Variants in MICALL2 observed in about 807,000 individuals in gnomAD.
MICALL2 encodes MICAL-like protein 2.
A neutral mutation model predicts 91.1 loss-of-function variants in MICALL2; 111 were observed. The observed-to-expected ratio is 1.22, with a 90% CI of 1.04 to 1.43. The LOEUF is 1.43. Ranked by LOEUF, MICALL2 falls within the 40% of genes most tolerant of loss-of-function variation. MICALL2 has a pLI of 0.00. For missense variants in MICALL2, 1,556 were observed against 1,236.0 expected (o/e 1.26, Z -3.88); for synonymous variants, 694 against 525.3 (o/e 1.32, Z -4.39).
At position 1,437,572 on chromosome 7, in the gene MICALL2, G is replaced by A. The variant is rs1399385196; in HGVS notation, c.2439C>T (p.Asp813=). The A allele has an allele frequency of 2.0e-6, 3 of 1,536,050 alleles. No individual in the cohort carries two copies. Among genetic ancestry groups the A allele is most frequent in the Non-Finnish European group, 2.6e-6 (3 of 1,145,628 alleles). The part of the protein sequence containing the change: ...KAQRLEEQQL[D]IEGELRRLMA... ...TGAGCCGGCGCAGCTCGCCCTCGAT[G>A]TCCAGCTGCTGCTCCTCCAGACGCT... Residue 813 remains aspartate (D), a synonymous_variant, in exon 14 of 17, where the codon GAC becomes GAT. Coordinates refer to ENST00000297508, the MANE Select transcript of MICALL2 (RefSeq NM_182924.4).
intron 15 of MICALL2, among the ~76,000 whole-genome samples, chr7:1,436,393 AAAAC>A (rs1457697751): frequency 1.3e-5 from 2 of 151,616 alleles, no homozygotes; most frequent in African/African-American, 2.4e-5. Context: ...AAAAAAAACA[AAAAC>A]AAAAAATTAG....
In MICALL2 at chr7:1,451,327, G is replaced by C. The variant is rs1332045920; in HGVS notation, c.144-1039C>G. ...CCAGGCCCTCCGACAAAAACCACCA[G>C]GCTCCCAGCACGGGCTGCGGCTTCT... is the stretch of plus-strand genomic sequence containing the variant. On this transcript the variant is annotated intron_variant, in intron 1 of 16. Transcript: ENST00000297508. The surrounding 1 kb of genome is among the most constrained non-coding windows in gnomAD (Gnocchi z 4.5). Among the ~76,000 whole-genome samples, 3 of 152,146 alleles carry C rather than the reference G, an allele frequency of 2.0e-5. No individual in the cohort carries two copies. The highest frequency in any genetic ancestry group is 7.2e-5 in the African/African-American group (3 of 41,428).
In MICALL2 at chr7:1,440,697, C is replaced by T. The variant is rs374166556; in HGVS notation, c.1712-13G>A. The T allele has an allele frequency of 1.6e-5, 25 of 1,607,254 alleles. No homozygotes were observed. The African/African-American group carries it at 3.3e-4, about 21-fold the overall frequency. Reference sequence around the variant, plus strand: ...CTGGTGCTCATGTCTGGGTGGGAGGCAAGGGGTCTGGGTGTGAGGAAGGAG... The same window carrying T: ...CTGGTGCTCATGTCTGGGTGGGAGGTAAGGGGTCTGGGTGTGAGGAAGGAG... On this transcript the variant is annotated splice_polypyrimidine_tract_variant and intron_variant, in intron 7 of 16. Coordinates refer to ENST00000297508, the MANE Select transcript of MICALL2 (RefSeq NM_182924.4).
intron 12 of MICALL2, 52 bp downstream of exon 12, chr7:1,438,045 T>C: frequency 6.4e-7 from 1 of 1,562,322 alleles, no homozygotes; most frequent in East Asian, 2.4e-5. Flanking sequence ...GCCCCAGGAC[T>C]GAGGGTGTCT....
chr7:1,437,780 G>A (rs528320067), intron 13 of MICALL2, 110 bp downstream of exon 13: 16 of 1,247,472 alleles, frequency 1.3e-5, no homozygotes, highest in African/African-American at 3.0e-5. Context: ...TGGACCTGCC[G>A]CACAGACATG....
Position 1,445,870 on chromosome 7 carries a change from C to T in MICALL2, c.642-442G>A, listed in dbSNP as rs144290775. ...CTGGGGACAGAAGTAGGGGGAACAG[C>T]GCTTGTTTCCTAGGAGCCCCCACCC... On this transcript the variant is annotated intron_variant, in intron 5 of 16. Coordinates refer to ENST00000297508, the MANE Select transcript of MICALL2 (RefSeq NM_182924.4). Among the ~76,000 whole-genome samples the T allele has an allele frequency of 7.6e-3, 1,158 of 152,038 alleles. 3 individuals carry two copies. Among genetic ancestry groups the T allele is most frequent in the African/African-American group, 0.012 (500 of 41,494 alleles).
intron 1 of MICALL2, among the ~76,000 whole-genome samples, chr7:1,458,344 T>C (rs1781093445): frequency 1.3e-5 from 2 of 151,884 alleles, no homozygotes; most frequent in Admixed American, 1.3e-4. Context: ...AAAAACACAC[T>C]CAGGAGAACG....
In MICALL2 at chr7:1,437,546, A is replaced by G. The variant is rs1179303171; in HGVS notation, c.2465T>C (p.Met822Thr). The G allele has an allele frequency of 1.3e-6, 2 of 1,526,920 alleles. No individual in the cohort carries two copies. The highest frequency in any genetic ancestry group is 1.7e-6 in the Non-Finnish European group (2 of 1,143,914). The allele number at this position is 1,526,920 out of a possible 1,614,324, so 94.6% of individuals were successfully genotyped here. ...CGCGGGGGACGCACCGGGCTTGGCCATGAGCCGGCGCAGCTCGCCCTCGAT... is the reference window on the plus strand; with the variant it reads ...CGCGGGGGACGCACCGGGCTTGGCCGTGAGCCGGCGCAGCTCGCCCTCGAT... ...LDIEGELRRL[M>T]AKPEALKSLQ... The change falls in exon 14 of 17, where the codon ATG becomes ACG. Residue 822 changes from methionine (M) to threonine (T), a missense_variant. Met to Thr is a moderately conservative substitution (Grantham distance 81). Transcript: ENST00000297508.
At position 1,436,725 on chromosome 7, in the gene MICALL2, C is replaced by CCCCT; in HGVS notation, c.2591+16_2591+17insAGGG. ...ACCTGGCCTGGCTGGGAGGGGCCCC[C>CCCCT]GGCACCTGCCCCTCACCGGAGCCGG... On this transcript the variant is annotated intron_variant, in intron 15 of 16. Transcript: ENST00000297508. 2 of 1,586,742 alleles carry CCCCT rather than the reference C, an allele frequency of 1.3e-6. No homozygotes were observed. The highest frequency in any genetic ancestry group is 3.4e-5 in the Admixed American group (2 of 57,990).
chr7:1,455,521 C>T (rs550908829), intron 1 of MICALL2, among the ~76,000 whole-genome samples: 12 of 147,602 alleles, frequency 8.1e-5, no homozygotes, highest in South Asian at 4.2e-4. Flanking sequence ...GTTTCCTGGC[C>T]GTAAAGCGGA....
rs752485165 is a variant in MICALL2 at position 1,436,702 on chromosome 7, C to A, written c.2591+40G>T. On this transcript the variant is annotated intron_variant, in intron 15 of 16. Transcript: ENST00000297508. Reference sequence around the variant, plus strand: ...GGGCCGGGAGCATGGACCAGGCGACCTGGCCTGGCTGGGAGGGGCCCCCGG... The same window carrying A: ...GGGCCGGGAGCATGGACCAGGCGACATGGCCTGGCTGGGAGGGGCCCCCGG... The A allele has an allele frequency of 3.3e-6, 5 of 1,513,376 alleles. No individual in the cohort carries two copies. The Admixed American group carries it at 5.5e-5, about 17-fold the overall frequency. 93.7% of individuals were successfully genotyped at this position (1,513,376 alleles called of 1,614,324 possible). A position where few individuals can be genotyped will look rare whatever the true frequency, so the allele number is the denominator to read the frequency against.
intron 1 of MICALL2, chr7:1,450,530 C>A: frequency 2.0e-6 from 1 of 501,918 alleles, no homozygotes; most frequent in South Asian, 2.2e-5. Context: ...CCTCCTGTAC[C>A]CTGACAGGCC....
chr7:1,436,296 C>T (rs1779960569), intron 15 of MICALL2, among the ~76,000 whole-genome samples: 1 of 151,630 alleles, frequency 6.6e-6, no homozygotes, highest in Admixed American at 6.6e-5. Flanking sequence ...GCAGGAGAAT[C>T]GCTTGAACTC....
At position 1,434,362 on chromosome 7, in the gene MICALL2, G is replaced by A. The variant is rs1020282962; in HGVS notation, c.*234C>T. The A allele has an allele frequency of 2.3e-5, 15 of 647,918 alleles. No homozygotes were observed. The highest frequency in any genetic ancestry group is 5.4e-5 in the African/African-American group (3 of 55,770). The allele number at this position is 647,918 out of a possible 1,614,324, so 40.1% of individuals were successfully genotyped here. Reference sequence around the variant, plus strand: ...CAAACACGGAGGCACGTAGGAGTCCGGGGCCATGTGGTCGGTTTCTTTATT... The same window carrying A: ...CAAACACGGAGGCACGTAGGAGTCCAGGGCCATGTGGTCGGTTTCTTTATT... On this transcript the variant is annotated 3_prime_UTR_variant, in exon 17 of 17. Coordinates refer to ENST00000297508, the MANE Select transcript of MICALL2 (RefSeq NM_182924.4).
At chr7:1,444,602 G>T in intron 6 of MICALL2, 50 bp downstream of exon 6, 1 of 1,560,604 alleles carries the variant, frequency 6.4e-7, no homozygotes, top group East Asian at 2.3e-5. Context: ...GGCCCCGCTG[G>T]CTGGTGCAAA....
At chr7:1,440,422 G>A in intron 8 of MICALL2, 169 bp downstream of exon 8, 2 of 680,794 alleles carry the variant, frequency 2.9e-6, no homozygotes, top group Non-Finnish European at 5.1e-6. Flanking sequence ...CCCCAAACCA[G>A]GGACAGCGGC....
chr7:1,436,319 T>G (rs1584193162), intron 15 of MICALL2, among the ~76,000 whole-genome samples: 1 of 151,480 alleles, frequency 6.6e-6, no homozygotes, highest in Non-Finnish European at 1.5e-5. Context: ...CAGACGGAGG[T>G]TGCAGTGAGC....
At chr7:1,436,695 A>G (rs1385283653) in intron 15 of MICALL2, 47 bp downstream of exon 15, 1 of 1,460,674 alleles carries the variant, frequency 6.8e-7, no homozygotes, top group South Asian at 1.2e-5. Context: ...AGCATGGACC[A>G]GGCGACCTGG....
At position 1,436,815 on chromosome 7, in the gene MICALL2, G is replaced by T. The variant is rs755331435; in HGVS notation, c.2518C>A (p.Leu840Met). The change falls in exon 15 of 17, where the codon CTG (leucine) becomes ATG (methionine). Residue 840 changes from leucine (L) to methionine (M), a missense_variant. By Grantham distance (15) the Leu-to-Met change is conservative. Transcript: ENST00000297508. ...SLQERRREQE[L>M]LEQYVSTVND... ...ACGGTGCTCACGTACTGCTCCAGCA[G>T]CTCCTGCTCCCGCCGCCGCTCCTGC... The T allele has an allele frequency of 6.2e-7, 1 of 1,606,122 alleles. No homozygotes were observed. Among genetic ancestry groups the T allele is most frequent in the East Asian group, 2.3e-5 (1 of 44,170 alleles).
Sources: gnomAD v4.1 joint callset for allele counts (sites outside exome capture counted in the v4.1 genomes callset) on GRCh38, gnomAD v4.1.1 for gene constraint, Gnocchi (gnomAD v3.1) non-coding constraint, MANE v1.5 for transcripts, NCBI Gene and HGNC (gene_info 2026-07-23, HGNC 2026-07-21) for gene names.